SEC23A: variants seen among roughly 807,000 people sequenced by gnomAD.
SEC23A encodes the protein SEC23 homolog A, COPII component.
Under a neutral mutation model 103.7 loss-of-function variants are expected in SEC23A, and 56 were observed. The observed-to-expected ratio is 0.54, with a 90% CI of 0.44 to 0.67. The LOEUF (loss-of-function observed/expected upper bound fraction) is 0.67. Among genes scored for constraint, SEC23A ranks in the 30% least tolerant of loss-of-function variants. The probability of loss-of-function intolerance (pLI) is 0.00; values close to 1 mark genes in which losing one functional copy is unlikely to be tolerated. For synonymous variants in SEC23A, 281 were observed against 293.0 expected (o/e 0.96, Z 0.42); for missense variants, 784 against 936.4 (o/e 0.84, Z 2.12).
At chr14:39,055,324 G>C (rs184625215) in intron 13 of SEC23A, 28 bp from the exon 14 acceptor site, 5 of 1,610,840 alleles carry the variant, frequency 3.1e-6, no homozygotes, top group East Asian at 2.2e-5. Context: ...GCATAGAAAT[G>C]CTTCTGAATT....
At chr14:39,081,789 GC>G (rs1201309165) in intron 7 of SEC23A, among the ~76,000 whole-genome samples, 5 of 152,182 alleles carry the variant, frequency 3.3e-5, no homozygotes, top group African/African-American at 1.2e-4. Context: ...AGATATAGAT[GC>G]ATATTGGAGT....
intron 1 of SEC23A, among the ~76,000 whole-genome samples, chr14:39,102,233 GA>G (rs113370517): frequency 4.2e-4 from 60 of 141,348 alleles, no homozygotes; most frequent in Admixed American, 1.8e-3. Context: ...CTCCGTCTCA[GA>G]AAAAAAAAAA....
chr14:39,100,385 T>C (rs1326794940), intron 1 of SEC23A, among the ~76,000 whole-genome samples: 1 of 150,976 alleles, frequency 6.6e-6, no homozygotes, highest in Non-Finnish European at 1.5e-5. Flanking sequence ...ATGGCATATC[T>C]GAAATAAAGT....
chr14:39,052,252 C>T (rs867133013), intron 14 of SEC23A, among the ~76,000 whole-genome samples: 45 of 151,756 alleles, frequency 3.0e-4, no homozygotes, highest in Middle Eastern at 6.8e-3. Flanking sequence ...ACCACCATGG[C>T]ACACGTTTAC....
At chr14:39,048,797 A>G in intron 14 of SEC23A, 68 bp from the exon 15 acceptor site, 1 of 839,128 alleles carries the variant, frequency 1.2e-6, no homozygotes, top group Non-Finnish European at 2.0e-6. Context: ...GCCTATAAAT[A>G]TTCTATTTAC....
chr14:39,092,519 A>C (rs1887696808), intron 4 of SEC23A, 22 bp downstream of exon 4: 1 of 1,406,774 alleles, frequency 7.1e-7, no homozygotes, highest in Non-Finnish European at 1.0e-6. Context: ...ACTTTCTTAA[A>C]TATTTGTTCT....
chr14:39,046,074 C>A (rs1187987352), intron 15 of SEC23A, among the ~76,000 whole-genome samples: 1 of 152,174 alleles, frequency 6.6e-6, no homozygotes, highest in Non-Finnish European at 1.5e-5. Context: ...AGTTCCCCTG[C>A]ACATGCTCTC....
At chr14:39,084,696 G>A (rs1413426323) in intron 7 of SEC23A, among the ~76,000 whole-genome samples, 2 of 152,076 alleles carry the variant, frequency 1.3e-5, no homozygotes, top group Non-Finnish European at 2.9e-5. Flanking sequence ...TTGAGACGGA[G>A]TCTCACTCTG....
At chr14:39,051,787 A>C (rs1231724844) in intron 14 of SEC23A, among the ~76,000 whole-genome samples, 2 of 152,004 alleles carry the variant, frequency 1.3e-5, no homozygotes, top group Non-Finnish European at 2.9e-5. Context: ...ACATGGTGAA[A>C]TCCCGTCTCT....
intron 16 of SEC23A, among the ~76,000 whole-genome samples, chr14:39,043,950 T>G (rs575796602): frequency 3.9e-5 from 6 of 152,242 alleles, no homozygotes; most frequent in Admixed American, 3.9e-4. Context: ...CAAATAACTT[T>G]TTTGAGTTCA....
intron 19 of SEC23A, among the ~76,000 whole-genome samples, chr14:39,035,046 A>G (rs1885416513): frequency 6.6e-6 from 1 of 152,218 alleles, no homozygotes; most frequent in Non-Finnish European, 1.5e-5. Flanking sequence ...TTGATTAAAA[A>G]TTCAGAGTCT....
rs778227331 is a variant in SEC23A at position 39,095,927 on chromosome 14, G to A, written c.192C>T (p.Thr64=). ...AAGGATTCAAAACTGCACGGCAAGT[G>A]GTCCTACTACACAGAACAGGTTCAT... ...IQYEPVLCSR[T]TCRAVLNPLC... The change falls in exon 2 of 20, where the codon ACC becomes ACT. Residue 64 remains threonine, a synonymous_variant. Coordinates refer to ENST00000307712, the MANE Select transcript of SEC23A (RefSeq NM_006364.4). 2 of 1,613,856 alleles carry A rather than the reference G, an allele frequency of 1.2e-6. No individual in the cohort carries two copies. The highest frequency in any genetic ancestry group is 1.7e-6 in the Non-Finnish European group (2 of 1,179,738).
rs1224930037 is a variant in SEC23A at position 39,094,959 on chromosome 14, G to C, written c.221+939C>G. The stretch of plus-strand genomic sequence containing the variant: ...CAAGAATAAGAAGCTACTACTGGAA[G>C]ATGTTCATCATCTGATTTTCATTCA... On this transcript the variant is annotated intron_variant, in intron 2 of 19. Transcript: ENST00000307712. 1.1e-5 allele frequency: 8 copies of C among 696,820 alleles called. No individual in the cohort carries two copies. The African/African-American group carries it at 1.4e-4, about 12-fold the overall frequency. The allele number at this position is 696,820 out of a possible 1,614,324, so 43.2% of individuals were successfully genotyped here.
At chr14:39,102,519 A>ATG (rs1166990522) in intron 1 of SEC23A, among the ~76,000 whole-genome samples, 1 of 152,240 alleles carries the variant, frequency 6.6e-6, no homozygotes, top group Non-Finnish European at 1.5e-5. Context: ...AAGAAAGCCC[A>ATG]GTGAGATAGG....
intron 17 of SEC23A, among the ~76,000 whole-genome samples, chr14:39,041,786 T>G (rs991806457): frequency 4.8e-5 from 7 of 147,176 alleles, no homozygotes; most frequent in African/African-American, 1.8e-4. Context: ...GGAGAATCGC[T>G]GGAACCCGGG....
At chr14:39,050,950 G>A (rs1318542786) in intron 14 of SEC23A, among the ~76,000 whole-genome samples, 1 of 152,128 alleles carries the variant, frequency 6.6e-6, no homozygotes, top group Non-Finnish European at 1.5e-5. Context: ...AGGTGATAAC[G>A]CACTTTAGTT....
chr14:39,038,406 C>T (rs1202853289), intron 19 of SEC23A, among the ~76,000 whole-genome samples: 1 of 152,160 alleles, frequency 6.6e-6, no homozygotes, highest in Non-Finnish European at 1.5e-5. Context: ...TATTAGACTA[C>T]AAGCTCTCCA....
chr14:39,094,209 T>A, intron 2 of SEC23A, among the ~76,000 whole-genome samples: 1 of 134,786 alleles, frequency 7.4e-6, no homozygotes, highest in South Asian at 2.3e-4. Flanking sequence ...TATATATATA[T>A]GCATATATAC....
chr14:39,076,345 C>T (rs1197741674), intron 7 of SEC23A, among the ~76,000 whole-genome samples: 1 of 151,926 alleles, frequency 6.6e-6, no homozygotes, highest in Non-Finnish European at 1.5e-5. Context: ...ATGGATATTT[C>T]TCCTGCTTAA....
Sources: gnomAD v4.1 joint callset for allele counts (sites outside exome capture counted in the v4.1 genomes callset) on GRCh38, gnomAD v4.1.1 for gene constraint, MANE v1.5 for transcripts, NCBI Gene and HGNC (gene_info 2026-07-23, HGNC 2026-07-21) for gene names.